Variants in GALK2 observed in about 807,000 individuals in gnomAD.
The protein encoded by GALK2 is N-acetylgalactosamine kinase.
In GALK2, 36 loss-of-function variants were observed where a neutral mutation model predicts 52.4. The observed-to-expected ratio is 0.69, with a 90% CI of 0.53 to 0.91. GALK2 has a LOEUF of 0.91. Ranked by LOEUF, GALK2 falls within the 40% of genes least tolerant of loss-of-function variation. The pLI is 0.00. For missense variants in GALK2, 579 were observed against 559.1 expected, an observed-to-expected ratio of 1.04 and a Z score of -0.36; for synonymous variants, 176 against 199.1, an observed-to-expected ratio of 0.88 and a Z score of 0.98.
rs1019353538 is a variant in GALK2, at chr15:49,206,276, T to A, written c.142+5026T>A. 1.4e-4 allele frequency among the ~76,000 whole-genome samples: 21 copies of A among 151,710 alleles called. No individual in the cohort carries two copies. In the South Asian group the frequency reaches 1.5e-3, roughly 10 times the overall value. ...TTATTTATTATTATTATACTTTTTT[T>A]AGGGTACATGTGCACAATGTGCAGG... On this transcript the variant is annotated intron_variant, in intron 2 of 9. Coordinates refer to ENST00000560031, the MANE Select transcript of GALK2 (RefSeq NM_002044.4).
At chr15:49,361,752 G>A (rs755930906) in intron 3 of GALK2, among the ~76,000 whole-genome samples, 13 of 152,102 alleles carry the variant, frequency 8.5e-5, no homozygotes, top group Non-Finnish European at 1.6e-4. Flanking sequence ...ATTCCTTTGG[G>A]TATATACTCA....
chr15:49,228,334 T>C (rs1301317790), intron 3 of GALK2, among the ~76,000 whole-genome samples: 1 of 152,086 alleles, frequency 6.6e-6, no homozygotes, highest in African/African-American at 2.4e-5. Flanking sequence ...TTTTCTCTGC[T>C]TTCTTGAACA....
intron 8 of GALK2, among the ~76,000 whole-genome samples, chr15:49,295,480 TGAGA>T (rs545032726): frequency 1.3e-3 from 198 of 152,180 alleles, no homozygotes; most frequent in African/African-American, 4.3e-3. Context: ...GTTGAAAAGG[TGAGA>T]AAGTCTTAAT....
At chr15:49,309,693 T>A (rs959530829) in intron 8 of GALK2, among the ~76,000 whole-genome samples, 3 of 151,948 alleles carry the variant, frequency 2.0e-5, no homozygotes, top group Non-Finnish European at 4.4e-5. Flanking sequence ...TGATCTTGGC[T>A]CCCTGCAACC....
chr15:49,325,532 C>A (rs954559461), intron 9 of GALK2, among the ~76,000 whole-genome samples: 4 of 152,340 alleles, frequency 2.6e-5, no homozygotes, highest in Middle Eastern at 3.4e-3. Context: ...CTCAGAATTT[C>A]TATGGCATAT....
chr15:49,159,127 C>G (rs2084556077), intron 1 of GALK2, among the ~76,000 whole-genome samples: 1 of 152,084 alleles, frequency 6.6e-6, no homozygotes, highest in Non-Finnish European at 1.5e-5. Flanking sequence ...AAATATATTC[C>G]TAATAATAAT....
intron 3 of GALK2, chr15:49,365,584 C>T: frequency 2.2e-6 from 2 of 922,524 alleles, no homozygotes; most frequent in Non-Finnish European, 3.6e-6. Flanking sequence ...AACCATGATA[C>T]TCTCACCATT....
rs750950812 is a variant in GALK2 at position 49,367,581 on chromosome 15, AC to A, written c.*46del. 71 of 1,599,396 alleles carry A rather than the reference AC, an allele frequency of 4.4e-5. 1 individual carries two copies. In the East Asian group the frequency reaches 7.4e-4, roughly 17 times the overall value. ...CCAAAATTGAAGAGAACACGATTAAACTCTGGACCAGTACTACTATAGTGCG... is the reference window on the plus strand; with the variant it reads ...CCAAAATTGAAGAGAACACGATTAAATCTGGACCAGTACTACTATAGTGCG... On this transcript the variant is annotated 3_prime_UTR_variant, in exon 4 of 4. Transcript: ENST00000558399.
intron 3 of GALK2, among the ~76,000 whole-genome samples, chr15:49,339,581 C>A (rs946391116): frequency 4.6e-5 from 7 of 152,132 alleles, no homozygotes; most frequent in Non-Finnish European, 1.0e-4. Flanking sequence ...GAGGTGCCTC[C>A]CAGTCAGGAT....
intron 5 of GALK2, among the ~76,000 whole-genome samples, chr15:49,268,881 T>C (rs1224998023): frequency 6.6e-6 from 1 of 152,174 alleles, no homozygotes; most frequent in Non-Finnish European, 1.5e-5. Flanking sequence ...TGAGCCCTTC[T>C]ACCAATAGTG....
At chr15:49,360,599 G>A (rs2151396073) in intron 3 of GALK2, among the ~76,000 whole-genome samples, 1 of 152,210 alleles carries the variant, frequency 6.6e-6, no homozygotes, top group Middle Eastern at 3.4e-3. Context: ...AGAATTAGCA[G>A]CTCTAAATAC....
chr15:49,181,636 C>T (rs955011998), intron 1 of GALK2, among the ~76,000 whole-genome samples: 20 of 151,368 alleles, frequency 1.3e-4, no homozygotes, highest in East Asian at 3.9e-4. Context: ...CTCAGCCTCC[C>T]GAGTAGCTGG....
upstream of GALK2, among the ~76,000 whole-genome samples, chr15:49,168,244 A>G (rs2084886330): frequency 6.6e-6 from 1 of 152,206 alleles, no homozygotes; most frequent in African/African-American, 2.4e-5. Flanking sequence ...TAGCAAAGTT[A>G]ATGTTCGGTC....
chr15:49,327,415 A>G (rs1037249657), intron 9 of GALK2: 1 of 152,272 alleles, frequency 6.6e-6, no homozygotes, highest in Non-Finnish European at 1.5e-5. Context: ...TTATTCAGTG[A>G]ACTAGGCTAT....
chr15:49,231,250 G>A (rs912851037), intron 3 of GALK2, among the ~76,000 whole-genome samples: 4 of 152,202 alleles, frequency 2.6e-5, no homozygotes, highest in Non-Finnish European at 1.5e-5. Flanking sequence ...TCTTACATGA[G>A]TGGAGCAGGA....
intron 3 of GALK2, among the ~76,000 whole-genome samples, chr15:49,224,926 G>A (rs2141421526): frequency 6.6e-6 from 1 of 152,266 alleles, no homozygotes; most frequent in South Asian, 2.1e-4. Context: ...CTTTATTTGT[G>A]GCTAGATTCT....
Position 49,281,951 on chromosome 15 carries a change from A to C in GALK2, c.505-36A>C. The stretch of plus-strand genomic sequence containing the variant: ...AGAAATGAATGAGAAATGGGTTATG[A>C]CTACTCACAGTACAAATCAGTTTTT... On this transcript the variant is annotated intron_variant, in intron 5 of 9. Transcript: ENST00000560031. The C allele has an allele frequency of 2.8e-6, 4 of 1,448,000 alleles. No homozygotes were observed. The South Asian group carries it at 3.5e-5, about 13-fold the overall frequency. The allele number at this position is 1,448,000 out of a possible 1,614,324, so 89.7% of individuals were successfully genotyped here. A position where few individuals can be genotyped will look rare whatever the true frequency, so the allele number is the denominator to read the frequency against.
At chr15:49,187,856 A>T (rs1411861732) in intron 1 of GALK2, among the ~76,000 whole-genome samples, 1 of 152,100 alleles carries the variant, frequency 6.6e-6, no homozygotes, top group South Asian at 2.1e-4. Context: ...CTGGTCCAGC[A>T]TGAGTCCAAA....
intron 2 of GALK2, among the ~76,000 whole-genome samples, chr15:49,212,793 T>C (rs572063151): frequency 6.6e-6 from 1 of 152,322 alleles, no homozygotes; most frequent in Non-Finnish European, 1.5e-5. Flanking sequence ...ACTTTCCAAG[T>C]GTTTGCTTAG....
Sources: gnomAD v4.1 joint callset for allele counts (sites outside exome capture counted in the v4.1 genomes callset) on GRCh38, gnomAD v4.1.1 for gene constraint, MANE v1.5 for transcripts, NCBI Gene and HGNC (gene_info 2026-07-23, HGNC 2026-07-21) for gene names.